BTNL3: variants seen among roughly 807,000 people sequenced by gnomAD.
The protein encoded by BTNL3 is butyrophilin like 3.
A neutral mutation model predicts 40.1 loss-of-function variants in BTNL3; 20 were observed. The observed-to-expected ratio is 0.50, with a 90% CI of 0.35 to 0.72. The LOEUF (loss-of-function observed/expected upper bound fraction) is 0.72, where lower values mean the gene tolerates loss of function less well. Among genes scored for constraint, BTNL3 ranks in the 30% least tolerant of loss-of-function variants. The probability of loss-of-function intolerance (pLI) is 0.01; values close to 1 mark genes in which losing one functional copy is unlikely to be tolerated. For missense variants in BTNL3, 449 were observed against 582.2 expected, an observed-to-expected ratio of 0.77 and a Z score of 2.35; for synonymous variants, 179 against 222.1, an observed-to-expected ratio of 0.81 and a Z score of 1.73.
rs139151565 is a variant in BTNL3, at chr5:180,994,403, A to T, written c.397+1243A>T. On this transcript the variant is annotated intron_variant, in intron 2 of 7. Transcript: ENST00000342868. Reference sequence around the variant, plus strand: ...ATGGTTATTTTCTTTCAGCAGTTGAAAAATGTGCTACTTCTTTCTGGCCTT... The same window carrying T: ...ATGGTTATTTTCTTTCAGCAGTTGATAAATGTGCTACTTCTTTCTGGCCTT... Among the ~76,000 whole-genome samples, 7 of 137,472 alleles carry T rather than the reference A, an allele frequency of 5.1e-5. 1 individual carries two copies. The East Asian group carries it at 1.3e-3, about 25-fold the overall frequency. 90.2% of individuals were successfully genotyped at this position (137,472 alleles called of 152,430 possible).
chr5:180,994,700 G>A lies in BTNL3; in HGVS notation c.397+1540G>A, dbSNP rs1016249909. ...TTGTTATTGTCTCATAGGTCCTTGA[G>A]GATCTGTTTTTCCCTTTAAAAAAAT... is the stretch of plus-strand genomic sequence containing the variant. On this transcript the variant is annotated intron_variant, in intron 2 of 7. Transcript: ENST00000342868. Among the ~76,000 whole-genome samples the A allele has an allele frequency of 1.5e-5, 2 of 135,318 alleles. 1 individual carries two copies. 88.8% of individuals were successfully genotyped at this position (135,318 alleles called of 152,430 possible).
chr5:180,993,007 C>G lies in BTNL3; in HGVS notation c.244C>G (p.Arg82Gly), dbSNP rs753536584. ...GGAATCTAAGCAGATGCCACAGTATCGAGGGAGAACTGAGTTTGTGAAGGA... is the reference window on the plus strand; with the variant it reads ...GGAATCTAAGCAGATGCCACAGTATGGAGGGAGAACTGAGTTTGTGAAGGA... ...DWESKQMPQY[R>G]GRTEFVKDSI... is the part of the protein sequence containing the mutation. Residue 82 changes from arginine (R) to glycine (G), a missense_variant, in exon 2 of 8, where the codon CGA (arginine) becomes GGA (glycine). Arg to Gly is a moderately radical substitution (Grantham distance 125). Transcript: ENST00000342868. The G allele has an allele frequency of 6.8e-7, 1 of 1,460,344 alleles. No homozygotes were observed. 90.5% of individuals were successfully genotyped at this position (1,460,344 alleles called of 1,614,324 possible).
In BTNL3 at chr5:180,991,691, C is replaced by G. The variant is rs1244571071; in HGVS notation, c.50-1122C>G. ...GAGGGAAACACACACACTCTGTCCT[C>G]ATGAAGCTAAAAGTCGTGCAGGGAA... On this transcript the variant is annotated intron_variant, in intron 1 of 7. Coordinates refer to ENST00000342868, the MANE Select transcript of BTNL3 (RefSeq NM_197975.3). 2.9e-5 allele frequency among the ~76,000 whole-genome samples: 4 copies of G among 137,026 alleles called. 1 individual carries two copies. Among genetic ancestry groups the G allele is most frequent in the Non-Finnish European group, 6.7e-5 (4 of 59,904 alleles). The allele number at this position is 137,026 out of a possible 152,430, so 89.9% of individuals were successfully genotyped here.
Position 181,001,024 on chromosome 5 carries a change from G to A in BTNL3, c.674-1648G>A, listed in dbSNP as rs193017321. ...TCACAGTTTATATGATGATATAAAC[G>A]GAAAATTTAGAAAAATTTACAGACA... On this transcript the variant is annotated intron_variant, in intron 3 of 7. Transcript: ENST00000342868. Among the ~76,000 whole-genome samples, 500 of 134,480 alleles carry A rather than the reference G, an allele frequency of 3.7e-3. 53 individuals carry two copies. Among genetic ancestry groups the A allele is most frequent in the African/African-American group, 0.012 (470 of 39,384 alleles). The allele number at this position is 134,480 out of a possible 152,430, so 88.2% of individuals were successfully genotyped here. A position where few individuals can be genotyped will look rare whatever the true frequency, so the allele number is the denominator to read the frequency against.
chr5:181,004,934 G>GT (rs1412464785), intron 7 of BTNL3, among the ~76,000 whole-genome samples, 172 bp downstream of exon 7: 1 of 152,118 alleles, frequency 6.6e-6, no homozygotes, highest in Non-Finnish European at 1.5e-5. Context: ...AAAGCGTAGG[G>GT]ACTGGGTCAG....
intron 3 of BTNL3, among the ~76,000 whole-genome samples, chr5:181,002,424 C>T (rs1407751555): frequency 4.1e-5 from 4 of 97,900 alleles, no homozygotes; most frequent in African/African-American, 1.3e-4. Context: ...TGGATCAAGA[C>T]TTATAAAGAA....
chr5:180,997,476 G>T lies in BTNL3; in HGVS notation c.661G>T (p.Val221Leu), dbSNP rs1164909073. The change falls in exon 3 of 8, where the codon GTA (valine) becomes TTA (leucine). Residue 221 changes from valine (V) to leucine (L), a missense_variant. By Grantham distance (32) the Val-to-Leu change is conservative. Around this residue, in one of 2 missense-constraint regions of BTNL3, gnomAD observed 323 missense variants for 464.9 expected, o/e 0.69. Coordinates refer to ENST00000342868, the MANE Select transcript of BTNL3 (RefSeq NM_197975.3). ...AEQSHEVESK[V>L]LIGETFFQPS... is the part of the protein sequence containing the mutation. Reference sequence around the variant, plus strand: ...GCAGAGTCATGAGGTGGAATCCAAGGTATTGATAGGAGGTGAGTGGGGAGA... The same window carrying T: ...GCAGAGTCATGAGGTGGAATCCAAGTTATTGATAGGAGGTGAGTGGGGAGA... 2.0e-6 allele frequency: 3 copies of T among 1,463,796 alleles called. 1 individual carries two copies. In the Admixed American group the frequency reaches 5.6e-5, roughly 27 times the overall value. The allele number at this position is 1,463,796 out of a possible 1,614,324, so 90.7% of individuals were successfully genotyped here.
At chr5:181,002,514 G>A (rs1411793085) in intron 3 of BTNL3, among the ~76,000 whole-genome samples, 158 bp from the exon 4 acceptor site, 2 of 91,432 alleles carry the variant, frequency 2.2e-5, no homozygotes, top group Non-Finnish European at 4.8e-5. Context: ...ATGAAATCCG[G>A]ATGGATCAAG....
At chr5:181,002,603 T>C (rs1760142386) in intron 3 of BTNL3, 69 bp from the exon 4 acceptor site, 1 of 1,352,020 alleles carries the variant, frequency 7.4e-7, no homozygotes, top group East Asian at 2.7e-5. Context: ...ACTGGGGGAT[T>C]CCTTAAATGG....
At position 180,994,530 on chromosome 5, in the gene BTNL3, T is replaced by C. The variant is rs1056017290; in HGVS notation, c.397+1370T>C. On this transcript the variant is annotated intron_variant, in intron 2 of 7. Coordinates refer to ENST00000342868, the MANE Select transcript of BTNL3 (RefSeq NM_197975.3). ...ATGGGTTTCTTTACATTTCTCCTAT[T>C]TGGTGTGCTCTCAGCTTCTTGAATC... Among the ~76,000 whole-genome samples the C allele has an allele frequency of 4.4e-5, 6 of 136,334 alleles. 1 individual carries two copies. The highest frequency in any genetic ancestry group is 3.9e-4 in the Admixed American group (5 of 12,790). 89.4% of individuals were successfully genotyped at this position (136,334 alleles called of 152,430 possible).
At position 181,003,799 on chromosome 5, in the gene BTNL3, G is replaced by A. The variant is rs375887536; in HGVS notation, c.788-57G>A. The A allele has an allele frequency of 9.4e-5, 151 of 1,614,026 alleles. No individual in the cohort carries two copies. In the African/African-American group the frequency reaches 1.5e-3, roughly 17 times the overall value. ...CCCACCTGTGCAAGGAGCCAGCGTC[G>A]TGTTTGTACCTTGCACACTCCTGTG... On this transcript the variant is annotated intron_variant, in intron 4 of 7. Transcript: ENST00000342868.
rs532205826 is a variant in BTNL3 at position 181,000,861 on chromosome 5, C to A, written c.674-1811C>A. ...AAAATAAAATAAAATAAAATAAAAT[C>A]ATAACATAAGGAGATTGCATTAAAC... On this transcript the variant is annotated intron_variant, in intron 3 of 7. Transcript: ENST00000342868. Among the ~76,000 whole-genome samples the A allele has an allele frequency of 5.2e-5, 7 of 135,352 alleles. No homozygotes were observed. The South Asian group carries it at 6.5e-4, about 13-fold the overall frequency. 88.8% of individuals were successfully genotyped at this position (135,352 alleles called of 152,430 possible). A position where few individuals can be genotyped will look rare whatever the true frequency, so the allele number is the denominator to read the frequency against.
chr5:181,000,663 G>A (rs28550657), intron 3 of BTNL3, among the ~76,000 whole-genome samples: 24,269 of 128,814 alleles, frequency 0.19, 5,560 homozygotes, highest in African/African-American at 0.3. Context: ...AAAATTAGCC[G>A]GGCGCGGTGG....
chr5:180,989,075 C>T lies in BTNL3; in HGVS notation c.47C>T (p.Ser16Leu). The T allele has an allele frequency of 6.9e-7, 1 of 1,443,414 alleles. No homozygotes were observed. Among genetic ancestry groups the T allele is most frequent in the South Asian group, 1.2e-5 (1 of 86,872 alleles). The allele number at this position is 1,443,414 out of a possible 1,614,324, so 89.4% of individuals were successfully genotyped here. The change falls in exon 1 of 8, where the codon TCA (serine) becomes TTA (leucine). Residue 16 changes from serine (S) to leucine (L), a missense_variant and splice_region_variant. Coordinates refer to ENST00000342868, the MANE Select transcript of BTNL3 (RefSeq NM_197975.3). ...GTTCTCAGTTTCTACGAGCTGGTGT[C>T]AGGTAAGCCTTTCAGTTTGGACTGT... ...ILVLSFYELV[S>L]GQWQVTGPGK...
rs745887502 is a variant in BTNL3 at position 180,993,170 on chromosome 5, T to A, written c.397+10T>A. 65 of 1,422,980 alleles carry A rather than the reference T, an allele frequency of 4.6e-5. 16 individuals are homozygous for A. In the Admixed American group the frequency reaches 1.4e-3, roughly 30 times the overall value. The allele number at this position is 1,422,980 out of a possible 1,614,324, so 88.1% of individuals were successfully genotyped here. ...GAGCTGCGGGTGGCAGGTCAGTTGT[T>A]TATTTATGACTGAGTTGTCTTGTAA... On this transcript the variant is annotated intron_variant, in intron 2 of 7. Coordinates refer to ENST00000342868, the MANE Select transcript of BTNL3 (RefSeq NM_197975.3).
At chr5:181,002,471 AATATATATATATATATATAT>A (rs56895500) in intron 3 of BTNL3, among the ~76,000 whole-genome samples, 181 bp from the exon 4 acceptor site, 6 of 73,888 alleles carry the variant, frequency 8.1e-5, no homozygotes, top group East Asian at 4.3e-4. Context: ...CACACACGTG[AATATATATATATATATATAT>A]ATATATATAT....
intron 4 of BTNL3, among the ~76,000 whole-genome samples, chr5:181,003,326 C>T (rs1320950195): frequency 2.9e-5 from 4 of 135,664 alleles, no homozygotes; most frequent in South Asian, 2.2e-4. Context: ...GAGCCATGTT[C>T]GCACCACTGC....
chr5:181,005,885 C>A lies in BTNL3; in HGVS notation c.*13C>A. 1 of 1,575,810 alleles carries A rather than the reference C, an allele frequency of 6.3e-7. No individual in the cohort carries two copies. On this transcript the variant is annotated 3_prime_UTR_variant, in exon 8 of 8. Coordinates refer to ENST00000342868, the MANE Select transcript of BTNL3 (RefSeq NM_197975.3). Reference sequence around the variant, plus strand: ...GTCCTGGGGATGAGACAGAGAAGACCCTGCTTAAAGGGCCCCACACCACAG... The same window carrying A: ...GTCCTGGGGATGAGACAGAGAAGACACTGCTTAAAGGGCCCCACACCACAG...
chr5:180,999,551 G>GC (rs1367235066), intron 3 of BTNL3, among the ~76,000 whole-genome samples: 1 of 137,182 alleles, frequency 7.3e-6, no homozygotes, highest in Non-Finnish European at 1.7e-5. Context: ...TGTAGTCCCA[G>GC]CAGTGTGGAA....
Sources: allele counts gnomAD v4.1 joint callset (sites outside exome capture counted in the v4.1 genomes callset), GRCh38; gene constraint gnomAD v4.1.1; regional missense constraint gnomAD v4.1.1; transcripts MANE v1.5; gene names NCBI Gene and HGNC (gene_info 2026-07-23, HGNC 2026-07-21).